PHF14: variants seen among roughly 807,000 people sequenced by gnomAD.
The protein encoded by PHF14 is PHD finger protein 14.
Under a neutral mutation model 117.9 loss-of-function variants are expected in PHF14, and 55 were observed. The ratio of observed to expected loss-of-function variants is 0.47; its 90% CI spans 0.38 to 0.58. PHF14 has a LOEUF of 0.58. Ranked by LOEUF, PHF14 falls within the 20% of genes least tolerant of loss-of-function variation. The probability of loss-of-function intolerance (pLI) is 0.00; values close to 1 mark genes in which losing one functional copy is unlikely to be tolerated. For synonymous variants in PHF14, 409 were observed against 368.6 expected (o/e 1.11, Z -1.26); for missense variants, 978 against 1,122.2 (o/e 0.87, Z 1.84).
chr7:10,998,772 G>C (rs1294089062), intron 4 of PHF14, among the ~76,000 whole-genome samples: 2 of 152,164 alleles, frequency 1.3e-5, no homozygotes, highest in Non-Finnish European at 2.9e-5. Flanking sequence ...ATACAGTCAT[G>C]ATGAGTTCTG....
chr7:11,038,903 T>C, intron 11 of PHF14, 48 bp downstream of exon 11: 1 of 858,236 alleles, frequency 1.2e-6, no homozygotes, highest in African/African-American at 1.7e-5. Flanking sequence ...GCTCCCTATA[T>C]GATTTTCAAA....
chr7:11,152,105 T>G (rs113412473), intron 17 of PHF14, among the ~76,000 whole-genome samples: 97 of 152,308 alleles, frequency 6.4e-4, no homozygotes, highest in African/African-American at 2.3e-3. Context: ...AAAATTGCTT[T>G]TGATCAGTAC....
chr7:11,100,485 CCAG>C (rs1172434909), intron 16 of PHF14, among the ~76,000 whole-genome samples: 3 of 151,746 alleles, frequency 2.0e-5, no homozygotes, highest in African/African-American at 7.3e-5. Flanking sequence ...AGAAATTATT[CCAG>C]TTATATATTT....
At chr7:11,087,794 T>C (rs1401770304) in intron 16 of PHF14, among the ~76,000 whole-genome samples, 1 of 152,152 alleles carries the variant, frequency 6.6e-6, no homozygotes, top group African/African-American at 2.4e-5. Flanking sequence ...GTCACTCTTT[T>C]CTGGCATTGG....
intron 17 of PHF14, among the ~76,000 whole-genome samples, chr7:11,137,672 T>A (rs186169239): frequency 1.3e-5 from 2 of 148,750 alleles, no homozygotes; most frequent in Admixed American, 1.4e-4. Flanking sequence ...CTCGGCTCCC[T>A]GTACCCAGGT....
chr7:10,997,022 A>G (rs950664930), intron 4 of PHF14, among the ~76,000 whole-genome samples: 2 of 152,218 alleles, frequency 1.3e-5, no homozygotes, highest in Non-Finnish European at 2.9e-5. Context: ...AGTGTCGCAT[A>G]TATGTTTAAT....
intron 17 of PHF14, among the ~76,000 whole-genome samples, chr7:11,129,635 C>G (rs1241609188): frequency 1.3e-5 from 2 of 149,966 alleles, no homozygotes; most frequent in Non-Finnish European, 3.0e-5. Context: ...GTTGATGGAC[C>G]TACCAATATA....
At chr7:11,163,270 A>C (rs1789102269) in intron 17 of PHF14, among the ~76,000 whole-genome samples, 1 of 152,224 alleles carries the variant, frequency 6.6e-6, no homozygotes, top group East Asian at 1.9e-4. Context: ...TTAAATATGC[A>C]ACTTGTATCA....
At chr7:10,983,333 A>G (rs189752564) in intron 3 of PHF14, among the ~76,000 whole-genome samples, 174 bp downstream of exon 3, 55 of 152,310 alleles carry the variant, frequency 3.6e-4, no homozygotes, top group Non-Finnish European at 5.7e-4. Flanking sequence ...CTTTTATTAA[A>G]TATCTACTAT....
chr7:11,041,151 T>G (rs1784492862), intron 12 of PHF14, among the ~76,000 whole-genome samples: 1 of 152,082 alleles, frequency 6.6e-6, no homozygotes, highest in Non-Finnish European at 1.5e-5. Context: ...TGTATATATA[T>G]AGAATGAATC....
rs534552110 is a variant in PHF14, at chr7:11,006,172, A to G, written c.1046-7575A>G. Among the ~76,000 whole-genome samples, 7 of 152,324 alleles carry G rather than the reference A, an allele frequency of 4.6e-5. No homozygotes were observed. In the South Asian group the frequency reaches 1.0e-3, roughly 23 times the overall value. On this transcript the variant is annotated intron_variant, in intron 4 of 17. Transcript: ENST00000634607. ...CTGTACTAATTACCAACAATGCACA[A>G]ACTACTTGATAACATTGCATATTTG...
At chr7:11,082,191 A>G (rs868091198) in intron 16 of PHF14, among the ~76,000 whole-genome samples, 16 of 152,154 alleles carry the variant, frequency 1.1e-4, no homozygotes, top group Middle Eastern at 3.4e-3. Context: ...TAAAATTTTT[A>G]AAAAATCAGC....
rs767557169 is a variant in PHF14 at position 10,983,152 on chromosome 7, G to A, written c.893G>A (p.Ser298Asn). 6.3e-7 allele frequency: 1 copy of A among 1,591,178 alleles called. No individual in the cohort carries two copies. The highest frequency in any genetic ancestry group is 8.5e-7 in the Non-Finnish European group (1 of 1,175,390). Residue 298 changes from serine (S) to asparagine (N), a missense_variant, in exon 3 of 18, where the codon AGT becomes AAT. By Grantham distance (46) the Ser-to-Asn change is conservative. Around this residue, in one of 7 missense-constraint regions of PHF14, gnomAD observed 414 missense variants for 376.4 expected, o/e 1.10. Transcript: ENST00000634607. ...AGCCTGACCCTATCTCAAAGCAAGA[G>A]TAATGAGGTAGATCAACCCAATTTT... ...NDSLTLSQSK[S>N]NEDSLILEKS...
At chr7:11,003,645 T>A (rs893990160) in intron 4 of PHF14, among the ~76,000 whole-genome samples, 4 of 152,244 alleles carry the variant, frequency 2.6e-5, no homozygotes, top group Non-Finnish European at 5.9e-5. Context: ...AGAAATTACC[T>A]ATTTTTTTGT....
chr7:11,031,695 A>T (rs979696387), intron 7 of PHF14, among the ~76,000 whole-genome samples: 2 of 152,068 alleles, frequency 1.3e-5, no homozygotes, highest in Admixed American at 1.3e-4. Context: ...TTGAGGCTGC[A>T]TTGAACTATG....
chr7:11,138,643 T>C (rs1165534260), intron 17 of PHF14, among the ~76,000 whole-genome samples: 1 of 152,178 alleles, frequency 6.6e-6, no homozygotes, highest in East Asian at 1.9e-4. Flanking sequence ...TTAACAAATA[T>C]TTTAATTTCT....
At chr7:11,012,651 C>T (rs6970876) in intron 4 of PHF14, among the ~76,000 whole-genome samples, 33,133 of 152,098 alleles carry the variant, frequency 0.22, 5,862 homozygotes, top group African/African-American at 0.5. Context: ...GTTATCTTGT[C>T]TGTTGGGTGT....
In PHF14 at chr7:11,043,329, A is replaced by G. The variant is rs78525906; in HGVS notation, c.2312+515A>G. Among the ~76,000 whole-genome samples, 12 of 151,948 alleles carry G rather than the reference A, an allele frequency of 7.9e-5. No homozygotes were observed. In the East Asian group the frequency reaches 2.3e-3, roughly 29 times the overall value. ...TAGGCATATCGAATCACTACATTTG[A>G]TAAAGGTTATAGTATCTATAATGAG... On this transcript the variant is annotated intron_variant, in intron 13 of 17. Coordinates refer to ENST00000634607, the MANE Select transcript of PHF14 (RefSeq NM_001007157.2).
At chr7:11,006,993 G>T in intron 4 of PHF14, 1 of 357,056 alleles carries the variant, frequency 2.8e-6, no homozygotes, top group South Asian at 2.5e-5. Flanking sequence ...TGGTTAATGT[G>T]GTGAAACTCC....
Sources: allele counts gnomAD v4.1 joint callset (sites outside exome capture counted in the v4.1 genomes callset), GRCh38; gene constraint gnomAD v4.1.1; regional missense constraint gnomAD v4.1.1; transcripts MANE v1.5; gene names NCBI Gene and HGNC (gene_info 2026-07-23, HGNC 2026-07-21).